The following TBC1D12 variants were observed in gnomAD, a reference collection of about 807,000 sequenced individuals.
TBC1D12 encodes the protein TBC1 domain family, member 12.
Under a neutral mutation model 86.7 loss-of-function variants are expected in TBC1D12, and 56 were observed. That is an observed-to-expected ratio of 0.65 (90% CI 0.52 to 0.81). The LOEUF is 0.81. TBC1D12 is among the 30% of genes least tolerant of loss of function. The probability of loss-of-function intolerance (pLI) is 0.00; values close to 1 mark genes in which losing one functional copy is unlikely to be tolerated. For missense variants in TBC1D12, 1,023 were observed against 1,038.8 expected, an observed-to-expected ratio of 0.98 and a Z score of 0.21; for synonymous variants, 421 against 411.7, an observed-to-expected ratio of 1.02 and a Z score of -0.27.
intron 1 of TBC1D12, among the ~76,000 whole-genome samples, chr10:94,437,991 CTTTTTTTTTTTTT>C (rs60477158): frequency 1.3e-4 from 4 of 30,034 alleles, no homozygotes; most frequent in Non-Finnish European, 2.1e-4. Flanking sequence ...TCTCCTGGAG[CTTTTTTTTTTTTT>C]TTTTTTTTTT....
chr10:94,502,096 G>C (rs1021281291), intron 6 of TBC1D12, among the ~76,000 whole-genome samples: 1 of 151,964 alleles, frequency 6.6e-6, no homozygotes, highest in Non-Finnish European at 1.5e-5. Context: ...ACTTTGGGAG[G>C]CCAACGCGGG....
At position 94,522,095 on chromosome 10, in the gene TBC1D12, T is replaced by C; in HGVS notation, c.1890+12T>C. 1.9e-6 allele frequency: 3 copies of C among 1,606,256 alleles called. No individual in the cohort carries two copies. Among genetic ancestry groups the C allele is most frequent in the Non-Finnish European group, 2.6e-6 (3 of 1,174,882 alleles). The stretch of plus-strand genomic sequence containing the variant: ...TGGATCACAGCATGGTATGAATGGA[T>C]CATGTTTTCCATTGTTTCTGTAGTT... On this transcript the variant is annotated intron_variant, in intron 10 of 12. Coordinates refer to ENST00000225235, the MANE Select transcript of TBC1D12 (RefSeq NM_015188.2).
intron 2 of TBC1D12, among the ~76,000 whole-genome samples, chr10:94,463,335 G>T (rs2055757548): frequency 6.6e-6 from 1 of 152,146 alleles, no homozygotes; most frequent in South Asian, 2.1e-4. Flanking sequence ...AGGTCGAGGG[G>T]CTTCATCTGG....
rs776896158 is a variant in TBC1D12 at position 94,511,653 on chromosome 10, A to G, written c.1760A>G (p.Tyr587Cys). ...AYTCYRPDVG[Y>C]VQGMSFIAAV... ...ACATGCTACAGGCCTGATGTTGGTT[A>G]TGTAAGTATTTGTTTCCATCTGTTT... The change falls in exon 9 of 13, where the codon TAT becomes TGT. Residue 587 changes from tyrosine (Y) to cysteine (C), a missense_variant and splice_region_variant. By Grantham distance (194) the Tyr-to-Cys change is radical. This residue lies in a region of TBC1D12 where 395 missense variants were observed against 507.7 expected (regional missense o/e 0.78). Transcript: ENST00000225235. 8.1e-6 allele frequency: 13 copies of G among 1,607,244 alleles called. No individual in the cohort carries two copies. The highest frequency in any genetic ancestry group is 1.1e-5 in the Non-Finnish European group (13 of 1,175,470).
chr10:94,405,865 AGTG>A (rs1233812801), intron 1 of TBC1D12, among the ~76,000 whole-genome samples: 1 of 151,714 alleles, frequency 6.6e-6, no homozygotes, highest in Non-Finnish European at 1.5e-5. Context: ...GCTGGAGTGA[AGTG>A]GTGCCATCTT....
At chr10:94,503,293 A>AGG (rs1746036365) in intron 6 of TBC1D12, among the ~76,000 whole-genome samples, 1 of 152,238 alleles carries the variant, frequency 6.6e-6, no homozygotes. Flanking sequence ...AAAGAGATTA[A>AGG]AATGAATGAG....
intron 1 of TBC1D12, among the ~76,000 whole-genome samples, chr10:94,430,372 A>G (rs552923580): frequency 1.8e-4 from 27 of 152,322 alleles, no homozygotes; most frequent in African/African-American, 5.8e-4. Context: ...TATAGTGTCA[A>G]ATTCCACAGT....
At position 94,535,453 on chromosome 10, in the gene TBC1D12, C is replaced by G. The variant is rs1231506877; in HGVS notation, c.*2357C>G. Reference sequence around the variant, plus strand: ...CCTGCGATCCTTGTTAGTGTAGTGACTGCCTCTTTAGGAGTATGGGGCCCT... The same window carrying G: ...CCTGCGATCCTTGTTAGTGTAGTGAGTGCCTCTTTAGGAGTATGGGGCCCT... On this transcript the variant is annotated 3_prime_UTR_variant, in exon 13 of 13. Coordinates refer to ENST00000225235, the MANE Select transcript of TBC1D12 (RefSeq NM_015188.2). 1 of 152,142 alleles carries G rather than the reference C, an allele frequency of 6.6e-6. No individual in the cohort carries two copies. Among genetic ancestry groups the G allele is most frequent in the Non-Finnish European group, 1.5e-5 (1 of 68,018 alleles). The allele number at this position is 152,142 out of a possible 1,614,324, so 9.4% of individuals were successfully genotyped here. A position where few individuals can be genotyped will look rare whatever the true frequency, so the allele number is the denominator to read the frequency against.
At chr10:94,465,655 A>AAT (rs753424064) in intron 2 of TBC1D12, among the ~76,000 whole-genome samples, 26,958 of 106,068 alleles carry the variant, frequency 0.25, 2,772 homozygotes, top group Middle Eastern at 0.49. Flanking sequence ...TAAAAAAAAA[A>AAT]ATATATATAT....
chr10:94,476,943 T>C (rs2055997669), intron 3 of TBC1D12, among the ~76,000 whole-genome samples: 1 of 152,230 alleles, frequency 6.6e-6, no homozygotes, highest in Non-Finnish European at 1.5e-5. Context: ...AGCCTTCCGT[T>C]GTATCTACTT....
chr10:94,523,338 C>G (rs974121085), intron 11 of TBC1D12, among the ~76,000 whole-genome samples: 1 of 151,520 alleles, frequency 6.6e-6, no homozygotes, highest in African/African-American at 2.4e-5. Flanking sequence ...CGTGGATTAT[C>G]TCATTCAATG....
intron 3 of TBC1D12, among the ~76,000 whole-genome samples, chr10:94,478,544 A>G (rs1266466385): frequency 1.3e-5 from 2 of 152,130 alleles, no homozygotes; most frequent in Non-Finnish European, 2.9e-5. Flanking sequence ...CCCCATCCCT[A>G]CTAAAATATG....
intron 3 of TBC1D12, among the ~76,000 whole-genome samples, chr10:94,481,355 A>G (rs1220934266): frequency 6.6e-6 from 1 of 151,502 alleles, no homozygotes; most frequent in African/African-American, 2.4e-5. Context: ...GTCTACATTG[A>G]AAATCTGTTG....
chr10:94,531,744 TTTATG>T (rs1173314656), intron 12 of TBC1D12, among the ~76,000 whole-genome samples: 2,209 of 135,280 alleles, frequency 0.016, 85 homozygotes, highest in South Asian at 0.025. Context: ...GTTATGTTAT[TTTATG>T]TTATTTTATT....
chr10:94,531,180 C>A, intron 11 of TBC1D12, 22 bp from the exon 12 acceptor site: 1 of 1,594,398 alleles, frequency 6.3e-7, no homozygotes, highest in Non-Finnish European at 8.6e-7. Context: ...ATTTCAGTGA[C>A]CATTTTTCCC....
Position 94,403,019 on chromosome 10 carries a change from G to T in TBC1D12, c.406G>T (p.Gly136Cys). The change falls in exon 1 of 13, where the codon GGC becomes TGC. Residue 136 changes from glycine (G) to cysteine (C), a missense_variant. By Grantham distance (159) the Gly-to-Cys change is radical. Transcript: ENST00000225235. The stretch of plus-strand genomic sequence containing the variant: ...GCCGCGGCACGAAGGCATGACCAAC[G>T]GCGACTCGGGTTTTCTGCCGGGCCG... ...RAPRHEGMTNGDSGFLPGRDC... is the reference protein window; with the variant it reads ...RAPRHEGMTNCDSGFLPGRDC... 3.2e-6 allele frequency: 5 copies of T among 1,572,756 alleles called. No individual in the cohort carries two copies. Among genetic ancestry groups the T allele is most frequent in the Non-Finnish European group, 3.4e-6 (4 of 1,163,726 alleles).
intron 9 of TBC1D12, among the ~76,000 whole-genome samples, chr10:94,513,316 G>T (rs904042011): frequency 1.7e-4 from 26 of 151,928 alleles, no homozygotes; most frequent in African/African-American, 6.3e-4. Context: ...AGCACTTTGG[G>T]AGGTTGAGGC....
chr10:94,440,625 G>T (rs2055367508), intron 1 of TBC1D12, among the ~76,000 whole-genome samples: 1 of 152,096 alleles, frequency 6.6e-6, no homozygotes. Flanking sequence ...AATTATTTGG[G>T]ACTTCAATTT....
intron 4 of TBC1D12, among the ~76,000 whole-genome samples, chr10:94,496,262 C>G (rs2056319911): frequency 6.6e-6 from 1 of 152,068 alleles, no homozygotes; most frequent in Non-Finnish European, 1.5e-5. Context: ...TGATTTATGA[C>G]TCACTTTCGT....
Sources: allele counts gnomAD v4.1 joint callset (sites outside exome capture counted in the v4.1 genomes callset), GRCh38; gene constraint gnomAD v4.1.1; regional missense constraint gnomAD v4.1.1; transcripts MANE v1.5; gene names NCBI Gene and HGNC (gene_info 2026-07-23, HGNC 2026-07-21).